Variants in RASA1 observed in about 807,000 individuals in gnomAD.
RASA1 encodes ras GTPase-activating protein 1.
A neutral mutation model predicts 132.2 loss-of-function variants in RASA1; 25 were observed. The ratio of observed to expected loss-of-function variants is 0.19; its 90% CI spans 0.14 to 0.26. The LOEUF (loss-of-function observed/expected upper bound fraction) is 0.26. RASA1 is among the 10% of genes least tolerant of loss of function. The pLI is 1.00. For synonymous variants in RASA1, 477 were observed against 449.9 expected (o/e 1.06, Z -0.76); for missense variants, 964 against 1,299.2 (o/e 0.74, Z 3.97).
chr5:87,353,826 C>T (rs2112433373), intron 9 of RASA1, among the ~76,000 whole-genome samples: 1 of 152,124 alleles, frequency 6.6e-6, no homozygotes, highest in East Asian at 1.9e-4. Context: ...AGCAAGAGAG[C>T]CTGTTAAATG....
chr5:87,380,886 A>G (rs1015838867), intron 20 of RASA1, among the ~76,000 whole-genome samples: 1 of 152,230 alleles, frequency 6.6e-6, no homozygotes, highest in Non-Finnish European at 1.5e-5. Context: ...AGCTAACTTC[A>G]TATAGTATTC....
At position 87,268,076 on chromosome 5, in the gene RASA1, T is replaced by TGGCGGCTGAAGGAGCGGTAGC. The variant is rs927116800; in HGVS notation, c.-375_-355dup. On this transcript the variant is annotated 5_prime_UTR_variant, in exon 1 of 25. Transcript: ENST00000274376. ...AACTGGGGTGGTGAAGAAGCGGTGG[T>TGGCGGCTGAAGGAGCGGTAGC]GGCGGCTGAAGGAGCGGTAGCAGCC... 2 of 408,310 alleles carry TGGCGGCTGAAGGAGCGGTAGC rather than the reference T, an allele frequency of 4.9e-6. No individual in the cohort carries two copies. The highest frequency in any genetic ancestry group is 2.1e-5 in the African/African-American group (1 of 48,584). The allele number at this position is 408,310 out of a possible 1,614,324, so 25.3% of individuals were successfully genotyped here. A position where few individuals can be genotyped will look rare whatever the true frequency, so the allele number is the denominator to read the frequency against.
intron 1 of RASA1, among the ~76,000 whole-genome samples, chr5:87,320,569 G>A (rs923728979): frequency 5.9e-5 from 9 of 152,242 alleles, no homozygotes; most frequent in South Asian, 2.1e-4. Flanking sequence ...GTGGGGAAGC[G>A]CCACACACTT....
chr5:87,390,353 T>G (rs1226705067), intron 24 of RASA1, among the ~76,000 whole-genome samples: 1 of 152,136 alleles, frequency 6.6e-6, no homozygotes, highest in Non-Finnish European at 1.5e-5. Flanking sequence ...TAGAAGGGAT[T>G]AAAGCATTGA....
chr5:87,363,296 T>G, intron 10 of RASA1, 52 bp from the exon 11 acceptor site: 1 of 1,441,748 alleles, frequency 6.9e-7, no homozygotes, highest in South Asian at 1.2e-5. Flanking sequence ...TAATAATATG[T>G]AGGATTTCAC....
chr5:87,304,477 T>C (rs1287202886), intron 1 of RASA1, among the ~76,000 whole-genome samples: 2 of 152,012 alleles, frequency 1.3e-5, no homozygotes, highest in Admixed American at 1.3e-4. Context: ...ACACTTTTTT[T>C]TTTTTTTTGA....
chr5:87,304,406 A>G (rs1171172607), intron 1 of RASA1, among the ~76,000 whole-genome samples: 1 of 152,176 alleles, frequency 6.6e-6, no homozygotes, highest in Non-Finnish European at 1.5e-5. Context: ...CTAGGAACTT[A>G]GAACATCTGA....
At chr5:87,321,743 C>A (rs909306990) in intron 1 of RASA1, among the ~76,000 whole-genome samples, 12 of 152,222 alleles carry the variant, frequency 7.9e-5, no homozygotes. Context: ...TTCTTGCCCA[C>A]CTTCACATGT....
chr5:87,269,914 A>C (rs996012344), intron 1 of RASA1, among the ~76,000 whole-genome samples: 2 of 152,166 alleles, frequency 1.3e-5, no homozygotes, highest in Non-Finnish European at 2.9e-5. Context: ...AACTTGTTAT[A>C]GATTTCTCAT....
chr5:87,284,167 T>C (rs1402042291), intron 1 of RASA1, among the ~76,000 whole-genome samples: 1 of 152,176 alleles, frequency 6.6e-6, no homozygotes, highest in African/African-American at 2.4e-5. Flanking sequence ...ACCTATTCTA[T>C]GTTGTTTTCT....
intron 1 of RASA1, among the ~76,000 whole-genome samples, chr5:87,319,298 C>T (rs537744014): frequency 6.6e-6 from 1 of 152,344 alleles, no homozygotes; most frequent in Admixed American, 6.5e-5. Context: ...AGGCAGTGCC[C>T]TAGTGGAGAC....
intron 15 of RASA1, among the ~76,000 whole-genome samples, chr5:87,375,937 T>C (rs547480624): frequency 5.3e-5 from 8 of 152,346 alleles, no homozygotes; most frequent in Non-Finnish European, 1.2e-4. Context: ...CCATACCTTA[T>C]ATTTGAAGTG....
intron 1 of RASA1, among the ~76,000 whole-genome samples, chr5:87,319,638 C>T (rs1756628613): frequency 1.3e-5 from 2 of 152,306 alleles, no homozygotes; most frequent in East Asian, 1.9e-4. Flanking sequence ...CAGTTAGCAG[C>T]AGGGCTCTGG....
chr5:87,287,345 T>TAC (rs1468108796), intron 1 of RASA1, among the ~76,000 whole-genome samples: 1 of 145,896 alleles, frequency 6.9e-6, no homozygotes, highest in Non-Finnish European at 1.5e-5. Flanking sequence ...ACCATATATA[T>TAC]ACCATATATA....
At position 87,319,490 on chromosome 5, in the gene RASA1, A is replaced by T. The variant is rs1300337484; in HGVS notation, c.540-11858A>T. On this transcript the variant is annotated intron_variant, in intron 1 of 24. Coordinates refer to ENST00000274376, the MANE Select transcript of RASA1 (RefSeq NM_002890.3). ...TTGCCTTTTGTGCACCCACAGACCC[A>T]ACACCATGTGGAATCCACCAAGGCT... 5.9e-5 allele frequency among the ~76,000 whole-genome samples: 9 copies of T among 152,028 alleles called. No individual in the cohort carries two copies. The East Asian group carries it at 1.5e-3, about 26-fold the overall frequency.
At chr5:87,289,877 G>A (rs1282392314) in intron 1 of RASA1, among the ~76,000 whole-genome samples, 1 of 151,956 alleles carries the variant, frequency 6.6e-6, no homozygotes, top group South Asian at 2.1e-4. Context: ...CCAAAGTGCT[G>A]GGATCACAGG....
chr5:87,298,176 G>A (rs924593719), intron 1 of RASA1, among the ~76,000 whole-genome samples: 6 of 151,952 alleles, frequency 3.9e-5, no homozygotes, highest in Admixed American at 3.3e-4. Context: ...TTGGGAGGCC[G>A]AGGCGGGTGG....
intron 11 of RASA1, among the ~76,000 whole-genome samples, chr5:87,365,770 T>G (rs1255365166): frequency 6.6e-6 from 1 of 152,154 alleles, no homozygotes; most frequent in Non-Finnish European, 1.5e-5. Flanking sequence ...GCTAAATTTT[T>G]TTTTAATACT....
intron 4 of RASA1, among the ~76,000 whole-genome samples, chr5:87,336,636 G>A (rs921194838): frequency 6.6e-6 from 1 of 151,940 alleles, no homozygotes; most frequent in African/African-American, 2.4e-5. Context: ...ATGAAAAGTT[G>A]GTATAGCAAC....
Sources: gnomAD v4.1 joint callset for allele counts (sites outside exome capture counted in the v4.1 genomes callset) on GRCh38, gnomAD v4.1.1 for gene constraint, MANE v1.5 for transcripts, NCBI Gene and HGNC (gene_info 2026-07-23, HGNC 2026-07-21) for gene names.